The following CSMD2 variants were observed in gnomAD, a reference collection of about 807,000 sequenced individuals.
CSMD2 encodes CUB and sushi domain-containing protein 2.
In CSMD2, 130 loss-of-function variants were observed where a neutral mutation model predicts 398.5. The observed-to-expected ratio is 0.33, with a 90% CI of 0.28 to 0.38. The LOEUF is 0.38. Among genes scored for constraint, CSMD2 ranks in the 10% least tolerant of loss-of-function variants. The probability of loss-of-function intolerance (pLI) is 1.00; values close to 1 mark genes in which losing one functional copy is unlikely to be tolerated. For synonymous variants in CSMD2, 1,828 were observed against 1,908.5 expected (o/e 0.96, Z 1.10); for missense variants, 3,829 against 4,764.9 (o/e 0.80, Z 5.78).
chr1:33,596,836 CT>C, intron 44 of CSMD2, among the ~76,000 whole-genome samples: 1 of 152,318 alleles, frequency 6.6e-6, no homozygotes, highest in African/African-American at 2.4e-5. Context: ...TATCAGATGT[CT>C]TTGCTTTGTC....
chr1:33,973,005 G>A (rs1645827624), intron 3 of CSMD2, among the ~76,000 whole-genome samples: 1 of 152,166 alleles, frequency 6.6e-6, no homozygotes, highest in African/African-American at 2.4e-5. Flanking sequence ...GAGAGGGTAA[G>A]CCATCCATCC....
chr1:33,804,884 T>C, intron 10 of CSMD2: 2 of 717,416 alleles, frequency 2.8e-6, no homozygotes, highest in Non-Finnish European at 5.2e-6. Context: ...GTATGTTCCC[T>C]GGGTCTCCTC....
chr1:33,583,063 A>G (rs78409343), intron 47 of CSMD2, among the ~76,000 whole-genome samples: 4,464 of 152,308 alleles, frequency 0.029, 238 homozygotes, highest in African/African-American at 0.1. Flanking sequence ...AGAATATAAC[A>G]TATTGGTTCA....
intron 2 of CSMD2, among the ~76,000 whole-genome samples, chr1:34,043,338 C>A (rs1030777711): frequency 1.3e-5 from 2 of 152,190 alleles, no homozygotes; most frequent in Admixed American, 6.5e-5. Flanking sequence ...CTTACCTTCC[C>A]CCCAACCCTG....
chr1:33,993,486 C>T (rs548688165), intron 3 of CSMD2, among the ~76,000 whole-genome samples: 2 of 151,986 alleles, frequency 1.3e-5, no homozygotes, highest in Non-Finnish European at 2.9e-5. Context: ...CCATCTCAGC[C>T]GCCTCTGCCC....
chr1:34,132,661 TC>T (rs1327176141), intron 1 of CSMD2, among the ~76,000 whole-genome samples: 1 of 152,142 alleles, frequency 6.6e-6, no homozygotes, highest in Non-Finnish European at 1.5e-5. Flanking sequence ...TTCATTGAGG[TC>T]CCCGAAAGAA....
intron 13 of CSMD2, among the ~76,000 whole-genome samples, chr1:33,753,707 A>T (rs986891562): frequency 2.0e-5 from 3 of 152,356 alleles, no homozygotes; most frequent in South Asian, 2.1e-4. Flanking sequence ...AGCCACAAGG[A>T]CTGCACTCTG....
chr1:34,029,715 C>T (rs1386620828), intron 3 of CSMD2, among the ~76,000 whole-genome samples: 9 of 152,226 alleles, frequency 5.9e-5, no homozygotes, highest in Non-Finnish European at 1.0e-4. Flanking sequence ...ACACATCCTG[C>T]GTAGTTTGCA....
Position 34,055,777 on chromosome 1 carries a change from G to T in CSMD2, c.405-23071C>A, listed in dbSNP as rs77208695. The stretch of plus-strand genomic sequence containing the variant: ...TTTTTATAGAATCTTCATTACATAG[G>T]CATGATTAATTAAATCATAGGCCAG... On this transcript the variant is annotated intron_variant, in intron 2 of 70. Coordinates refer to ENST00000373381, the MANE Select transcript of CSMD2 (RefSeq NM_001281956.2). Among the ~76,000 whole-genome samples the T allele has an allele frequency of 4.7e-3, 715 of 152,216 alleles. 4 individuals are homozygous for T. Among genetic ancestry groups the T allele is most frequent in the African/African-American group, 0.016 (671 of 41,540 alleles).
intron 4 of CSMD2, among the ~76,000 whole-genome samples, chr1:33,934,719 C>T (rs965492436): frequency 6.6e-6 from 1 of 151,624 alleles, no homozygotes; most frequent in Non-Finnish European, 1.5e-5. Flanking sequence ...TCGTGTGCCA[C>T]GTATGGTGGC....
chr1:34,120,331 G>T (rs181765158), intron 1 of CSMD2, among the ~76,000 whole-genome samples: 29 of 152,294 alleles, frequency 1.9e-4, no homozygotes, highest in Admixed American at 1.7e-3. Context: ...GTGTAGCGTT[G>T]TTGCAGTTTT....
intron 25 of CSMD2, among the ~76,000 whole-genome samples, chr1:33,668,939 C>T (rs564232363): frequency 6.6e-6 from 1 of 152,232 alleles, no homozygotes; most frequent in African/African-American, 2.4e-5. Flanking sequence ...GCAATAGGTG[C>T]TAAAGAGTGG....
chr1:33,997,047 C>T (rs1350964760), intron 3 of CSMD2, among the ~76,000 whole-genome samples: 1 of 152,222 alleles, frequency 6.6e-6, no homozygotes, highest in Non-Finnish European at 1.5e-5. Context: ...CAGTTCATCA[C>T]ATACTGGGTT....
chr1:33,550,229 G>A lies in CSMD2; in HGVS notation c.8865C>T (p.Thr2955=), dbSNP rs1446098256. The change falls in exon 56 of 71, where the codon ACC becomes ACT. Residue 2955 remains threonine, a synonymous_variant. Coordinates refer to ENST00000373381, the MANE Select transcript of CSMD2 (RefSeq NM_001281956.2). ...IGKRTLVGNS[T]RMCGLDGHWT... Reference sequence around the variant, plus strand: ...AGTGTCCATCCAGCCCACACATGCGGGTGCTGTTTCCCACCAGAGTACGCT... The same window carrying A: ...AGTGTCCATCCAGCCCACACATGCGAGTGCTGTTTCCCACCAGAGTACGCT... The A allele has an allele frequency of 1.5e-5, 24 of 1,614,080 alleles. No homozygotes were observed. The Admixed American group carries it at 4.0e-4, about 27-fold the overall frequency.
chr1:34,121,120 A>G (rs954292036), intron 1 of CSMD2, among the ~76,000 whole-genome samples: 1 of 152,172 alleles, frequency 6.6e-6, no homozygotes, highest in Non-Finnish European at 1.5e-5. Flanking sequence ...GAGGTGCACA[A>G]TGAATAGTTG....
chr1:33,592,471 C>G, intron 44 of CSMD2: 1 of 717,016 alleles, frequency 1.4e-6, no homozygotes, highest in Non-Finnish European at 2.6e-6. Context: ...TCACAATGTA[C>G]AAACAGCTGC....
chr1:34,134,881 C>T (rs1167588292), intron 1 of CSMD2, among the ~76,000 whole-genome samples: 1 of 152,134 alleles, frequency 6.6e-6, no homozygotes, highest in African/African-American at 2.4e-5. Context: ...TTCTGATTTC[C>T]ATCAGATTCG....
chr1:33,787,980 T>C (rs1653738200), intron 12 of CSMD2, among the ~76,000 whole-genome samples: 1 of 152,172 alleles, frequency 6.6e-6, no homozygotes, highest in Admixed American at 6.5e-5. Context: ...GGGAAGCTAT[T>C]GTCCTCTCTA....
rs1642602090 is a variant in CSMD2 at position 33,633,563 on chromosome 1, G to A, written c.5087-28C>T. On this transcript the variant is annotated intron_variant, in intron 31 of 70. Coordinates refer to ENST00000373381, the MANE Select transcript of CSMD2 (RefSeq NM_001281956.2). This position sits in a 1 kb window ranked among gnomAD's most constrained non-coding sequence, Gnocchi z 5.0. ...GTGGAGGAGACACAGTGTGGGGACT[G>A]GGCAGGCACGCTGGGGGCAGGAGAG... 6.6e-7 allele frequency: 1 copy of A among 1,508,716 alleles called. No homozygotes were observed. The highest frequency in any genetic ancestry group is 1.4e-5 in the African/African-American group (1 of 72,150). The allele number at this position is 1,508,716 out of a possible 1,614,324, so 93.5% of individuals were successfully genotyped here.
Sources: gnomAD v4.1 joint callset for allele counts (sites outside exome capture counted in the v4.1 genomes callset) on GRCh38, gnomAD v4.1.1 for gene constraint, Gnocchi (gnomAD v3.1) non-coding constraint, MANE v1.5 for transcripts, NCBI Gene and HGNC (gene_info 2026-07-23, HGNC 2026-07-21) for gene names.